PTPRD: variants seen among roughly 807,000 people sequenced by gnomAD.
PTPRD encodes protein tyrosine phosphatase receptor type D.
PTPRD carries 34 observed loss-of-function variants against 214.5 expected under a neutral mutation model. The observed-to-expected ratio is 0.16, with a 90% confidence interval of 0.12 to 0.21. PTPRD has a LOEUF of 0.21. Among genes scored for constraint, PTPRD ranks in the 10% least tolerant of loss-of-function variants. The pLI, the probability that PTPRD is intolerant of heterozygous loss-of-function variation, is 1.00. For synonymous variants in PTPRD, 1,128 were observed against 845.7 expected, an observed-to-expected ratio of 1.33 and a Z score of -5.79; for missense variants, 2,545 against 2,398.7, an observed-to-expected ratio of 1.06 and a Z score of -1.27.
chr9:8,899,788 G>A (rs2098651547), intron 11 of PTPRD, among the ~76,000 whole-genome samples: 2 of 152,324 alleles, frequency 1.3e-5, no homozygotes, highest in Admixed American at 1.3e-4. Flanking sequence ...GTATCCTTGT[G>A]GGTGAGTGCT....
intron 14 of PTPRD, among the ~76,000 whole-genome samples, chr9:8,575,290 G>C (rs913039249): frequency 6.6e-6 from 1 of 152,130 alleles, no homozygotes; most frequent in Admixed American, 6.5e-5. Context: ...CAGGGTCTGA[G>C]TGAATTGAGT....
At chr9:9,666,938 G>T (rs986092105) in intron 7 of PTPRD, among the ~76,000 whole-genome samples, 3 of 151,886 alleles carry the variant, frequency 2.0e-5, no homozygotes, top group African/African-American at 7.2e-5. Flanking sequence ...TTGGGTTATA[G>T]GAACTACTGA....
rs575040934 is a variant in PTPRD, at chr9:9,269,411, T to G, written c.-202-86048A>C. ...TCCTTATGCATTGTTGGTAGGAATGTAAAGTTGTACAGCCACTATGAAAAC... is the reference window on the plus strand; with the variant it reads ...TCCTTATGCATTGTTGGTAGGAATGGAAAGTTGTACAGCCACTATGAAAAC... On this transcript the variant is annotated intron_variant, in intron 9 of 45. Transcript: ENST00000381196. Among the ~76,000 whole-genome samples the G allele has an allele frequency of 2.2e-4, 34 of 151,138 alleles. 1 individual carries two copies. In the South Asian group the frequency reaches 6.9e-3, roughly 31 times the overall value.
intron 7 of PTPRD, among the ~76,000 whole-genome samples, chr9:9,728,409 T>G (rs1178952373): frequency 6.6e-6 from 1 of 152,194 alleles, no homozygotes; most frequent in East Asian, 1.9e-4. Flanking sequence ...ATTTTTGATC[T>G]CTAGTCCTAT....
intron 11 of PTPRD, among the ~76,000 whole-genome samples, chr9:8,787,787 T>G (rs956770260): frequency 6.6e-6 from 1 of 152,166 alleles, no homozygotes; most frequent in Non-Finnish European, 1.5e-5. Context: ...CTACCCTTTA[T>G]GTCATGTCTG....
chr9:10,161,981 CA>C (rs1478118740), intron 3 of PTPRD, among the ~76,000 whole-genome samples: 1 of 151,394 alleles, frequency 6.6e-6, no homozygotes, highest in Non-Finnish European at 1.5e-5. Flanking sequence ...AAATGCAAAT[CA>C]AAACTACAAT....
intron 8 of PTPRD, among the ~76,000 whole-genome samples, chr9:9,490,808 G>C (rs1056990064): frequency 3.3e-5 from 5 of 151,622 alleles, no homozygotes; most frequent in Admixed American, 2.0e-4. Context: ...GGAAATGAGG[G>C]ACAAGAAAAA....
intron 9 of PTPRD, among the ~76,000 whole-genome samples, chr9:9,252,106 G>C (rs1019599354): frequency 1.3e-5 from 2 of 151,832 alleles, no homozygotes; most frequent in African/African-American, 4.8e-5. Flanking sequence ...ATACTCCCTG[G>C]GGTACTCTGT....
chr9:8,363,495 T>C (rs7875563), intron 39 of PTPRD, among the ~76,000 whole-genome samples: 21,016 of 152,110 alleles, frequency 0.14, 1,799 homozygotes, highest in African/African-American at 0.24. Flanking sequence ...ATCAGGTGGC[T>C]GTTCTGAAAA....
At chr9:8,555,414 G>A (rs2083428153) in intron 14 of PTPRD, among the ~76,000 whole-genome samples, 1 of 152,144 alleles carries the variant, frequency 6.6e-6, no homozygotes, top group Admixed American at 6.5e-5. Flanking sequence ...AAGACTAAAA[G>A]GGAGTAAAAG....
At chr9:9,234,075 G>A (rs2099964944) in intron 9 of PTPRD, among the ~76,000 whole-genome samples, 1 of 152,312 alleles carries the variant, frequency 6.6e-6, no homozygotes, top group African/African-American at 2.4e-5. Context: ...CCTAGCAGAG[G>A]TTCTCCATGA....
At chr9:9,144,927 G>T (rs896715624) in intron 10 of PTPRD, among the ~76,000 whole-genome samples, 46 of 152,122 alleles carry the variant, frequency 3.0e-4, no homozygotes, top group African/African-American at 9.9e-4. Flanking sequence ...TAGTCTAACT[G>T]CATCACCTCA....
At chr9:10,122,065 T>C (rs541125788) in intron 3 of PTPRD, among the ~76,000 whole-genome samples, 35 of 152,302 alleles carry the variant, frequency 2.3e-4, no homozygotes, top group African/African-American at 8.2e-4. Flanking sequence ...CCCAGCATTG[T>C]GGGAGGTCAA....
chr9:10,499,212 G>A (rs833442), intron 2 of PTPRD, among the ~76,000 whole-genome samples: 1 of 151,680 alleles, frequency 6.6e-6, no homozygotes, highest in African/African-American at 2.4e-5. Context: ...CACATACCAA[G>A]CTTGAGGTTT....
At chr9:10,340,611 T>G (rs1322517399) in intron 3 of PTPRD, among the ~76,000 whole-genome samples, 58 of 152,056 alleles carry the variant, frequency 3.8e-4, no homozygotes, top group Non-Finnish European at 1.0e-4. Flanking sequence ...AGAGCCTTAA[T>G]TTCTTTCTAC....
intron 12 of PTPRD, among the ~76,000 whole-genome samples, chr9:8,718,438 T>C (rs1169313562): frequency 6.6e-6 from 1 of 152,178 alleles, no homozygotes; most frequent in Non-Finnish European, 1.5e-5. Flanking sequence ...AGTTGCTAAA[T>C]AGTCTTTTTA....
chr9:9,376,408 A>G (rs1270344907), intron 9 of PTPRD, among the ~76,000 whole-genome samples: 1 of 152,158 alleles, frequency 6.6e-6, no homozygotes, highest in African/African-American at 2.4e-5. Flanking sequence ...CATCAGTCAA[A>G]TTATCCTTTA....
intron 14 of PTPRD, among the ~76,000 whole-genome samples, chr9:8,559,095 A>G (rs1009365259): frequency 1.3e-5 from 2 of 152,222 alleles, no homozygotes; most frequent in Admixed American, 1.3e-4. Context: ...ATTCTGACTG[A>G]GATGACATAA....
At chr9:10,028,721 G>C (rs563079299) in intron 4 of PTPRD, among the ~76,000 whole-genome samples, 4 of 152,314 alleles carry the variant, frequency 2.6e-5, no homozygotes, top group East Asian at 3.9e-4. Flanking sequence ...TTTCTAAGCA[G>C]TAAAGCATTC....
Sources: gnomAD v4.1 joint callset for allele counts (sites outside exome capture counted in the v4.1 genomes callset) on GRCh38, gnomAD v4.1.1 for gene constraint, MANE v1.5 for transcripts, NCBI Gene and HGNC (gene_info 2026-07-23, HGNC 2026-07-21) for gene names.